ITGA9: variants seen among roughly 807,000 people sequenced by gnomAD.
The protein encoded by ITGA9 is integrin alpha-9.
Under a neutral mutation model 127.8 loss-of-function variants are expected in ITGA9, and 56 were observed. The observed-to-expected ratio is 0.44, with a 90% CI of 0.35 to 0.55. The LOEUF (loss-of-function observed/expected upper bound fraction) is 0.55, where lower values mean the gene tolerates loss of function less well. Among genes scored for constraint, ITGA9 ranks in the 20% least tolerant of loss-of-function variants. ITGA9 has a pLI of 0.00. For synonymous variants in ITGA9, 508 were observed against 514.5 expected (o/e 0.99, Z 0.17); for missense variants, 1,196 against 1,347.1 (o/e 0.89, Z 1.76).
At chr3:37,465,115 A>G (rs1396068693) in intron 1 of ITGA9, among the ~76,000 whole-genome samples, 4 of 152,210 alleles carry the variant, frequency 2.6e-5, no homozygotes, top group Non-Finnish European at 4.4e-5. Flanking sequence ...TGATCTGGCT[A>G]TAATTTTGCC....
intron 15 of ITGA9, among the ~76,000 whole-genome samples, chr3:37,544,782 C>T (rs988809933): frequency 2.0e-5 from 3 of 152,126 alleles, no homozygotes; most frequent in Non-Finnish European, 1.5e-5. Flanking sequence ...GAGGTGGGAG[C>T]GGAGAAATAC....
chr3:37,650,665 C>T (rs948724011), intron 16 of ITGA9, among the ~76,000 whole-genome samples: 8 of 152,076 alleles, frequency 5.3e-5, no homozygotes, highest in Non-Finnish European at 7.4e-5. Flanking sequence ...CTCCTGACTT[C>T]AGGTGATCAC....
At chr3:37,771,353 G>C (rs925148354) in intron 23 of ITGA9, among the ~76,000 whole-genome samples, 1 of 152,196 alleles carries the variant, frequency 6.6e-6, no homozygotes, top group Non-Finnish European at 1.5e-5. Flanking sequence ...TTGTTTATCT[G>C]TGTGATGAGA....
intron 15 of ITGA9, among the ~76,000 whole-genome samples, chr3:37,575,043 T>C (rs1339922757): frequency 6.6e-6 from 1 of 152,204 alleles, no homozygotes; most frequent in Admixed American, 6.5e-5. Context: ...TGGGAGCAGC[T>C]ATACACAGTT....
At chr3:37,468,555 C>T (rs1698396354) in intron 1 of ITGA9, among the ~76,000 whole-genome samples, 1 of 152,118 alleles carries the variant, frequency 6.6e-6, no homozygotes, top group Non-Finnish European at 1.5e-5. Context: ...CCTTGTTTGT[C>T]TGCCCCTTTG....
intron 7 of ITGA9, among the ~76,000 whole-genome samples, chr3:37,507,319 C>T (rs529094873): frequency 5.3e-5 from 8 of 152,246 alleles, no homozygotes; most frequent in African/African-American, 1.9e-4. Flanking sequence ...TGCGGGCTAC[C>T]GGGCATCTCT....
At chr3:37,623,130 G>T (rs973069827) in intron 15 of ITGA9, among the ~76,000 whole-genome samples, 2 of 151,756 alleles carry the variant, frequency 1.3e-5, no homozygotes, top group African/African-American at 4.9e-5. Context: ...GTCACTGGTC[G>T]TCTTTTCTGC....
intron 16 of ITGA9, among the ~76,000 whole-genome samples, chr3:37,645,698 A>G (rs1700370580): frequency 6.6e-6 from 1 of 152,180 alleles, no homozygotes. Flanking sequence ...TCAACCCTAT[A>G]AACAGTGTTG....
At position 37,660,944 on chromosome 3, in the gene ITGA9, G is replaced by T. The variant is rs539264628; in HGVS notation, c.1916+7154G>T. On this transcript the variant is annotated intron_variant, in intron 17 of 27. Coordinates refer to ENST00000264741, the MANE Select transcript of ITGA9 (RefSeq NM_002207.3). ...TAACAGAGGTACAAGAAGGCATGCA[G>T]AAATGTGCAATGACTCTTAAGGCCT... Among the ~76,000 whole-genome samples the T allele has an allele frequency of 5.3e-5, 8 of 152,332 alleles. No homozygotes were observed. In the East Asian group the frequency reaches 1.5e-3, roughly 29 times the overall value.
chr3:37,510,136 G>A (rs183035848), intron 8 of ITGA9, among the ~76,000 whole-genome samples: 6 of 150,616 alleles, frequency 4.0e-5, no homozygotes, highest in Admixed American at 2.7e-4. Flanking sequence ...CAGGTAGCTC[G>A]GACCACAGAC....
At chr3:37,743,103 A>T (rs1213286420) in intron 21 of ITGA9, among the ~76,000 whole-genome samples, 1 of 152,148 alleles carries the variant, frequency 6.6e-6, no homozygotes, top group African/African-American at 2.4e-5. Flanking sequence ...AAATGAGTCA[A>T]CCTCTGATCT....
intron 23 of ITGA9, among the ~76,000 whole-genome samples, chr3:37,773,591 T>TC (rs950753708): frequency 3.1e-4 from 25 of 79,998 alleles, no homozygotes; most frequent in Non-Finnish European, 6.7e-4. Flanking sequence ...TTTAACTCTC[T>TC]TTTTTTTTTT....
chr3:37,470,655 C>T (rs575944736), intron 1 of ITGA9, among the ~76,000 whole-genome samples: 41 of 152,246 alleles, frequency 2.7e-4, no homozygotes, highest in African/African-American at 9.1e-4. Flanking sequence ...GGACTAAAAG[C>T]GTGCGCTGCC....
chr3:37,740,471 TCTC>T (rs1038942695), intron 20 of ITGA9, among the ~76,000 whole-genome samples: 1 of 152,164 alleles, frequency 6.6e-6, no homozygotes, highest in African/African-American at 2.4e-5. Context: ...TCCTGTTCCT[TCTC>T]CTCCCTTCTT....
chr3:37,510,433 T>C (rs1698892177), intron 8 of ITGA9, among the ~76,000 whole-genome samples: 1 of 152,186 alleles, frequency 6.6e-6, no homozygotes, highest in African/African-American at 2.4e-5. Context: ...GTCCGGTTAA[T>C]TCCTATTGCC....
intron 23 of ITGA9, among the ~76,000 whole-genome samples, chr3:37,757,389 T>G (rs1696665643): frequency 1.3e-5 from 2 of 151,842 alleles, no homozygotes; most frequent in Non-Finnish European, 2.9e-5. Flanking sequence ...GAGCTGGGCA[T>G]GGTTGGCTCA....
chr3:37,607,965 C>T (rs1699984377), intron 15 of ITGA9, among the ~76,000 whole-genome samples: 1 of 152,226 alleles, frequency 6.6e-6, no homozygotes. Context: ...TTCAAAGCTA[C>T]TTTCATTCCT....
chr3:37,721,114 CT>C (rs35254377), intron 18 of ITGA9, among the ~76,000 whole-genome samples: 2,825 of 93,158 alleles, frequency 0.03, 83 homozygotes, highest in African/African-American at 0.11. Flanking sequence ...CTTTTCTTGC[CT>C]TTTTTTTTTT....
chr3:37,695,290 T>C (rs979713013), intron 18 of ITGA9, among the ~76,000 whole-genome samples: 18 of 152,184 alleles, frequency 1.2e-4, no homozygotes, highest in East Asian at 9.6e-4. Context: ...AAACGAAGAC[T>C]GAAGCCACAG....
Sources: gnomAD v4.1 joint callset for allele counts (sites outside exome capture counted in the v4.1 genomes callset) on GRCh38, gnomAD v4.1.1 for gene constraint, MANE v1.5 for transcripts, NCBI Gene and HGNC (gene_info 2026-07-23, HGNC 2026-07-21) for gene names.